CERS3: variants seen among roughly 807,000 people sequenced by gnomAD.
CERS3 encodes the protein ceramide synthase 3, also known as LAG1 homolog, ceramide synthase 3.
A neutral mutation model predicts 50.3 loss-of-function variants in CERS3; 33 were observed. That is an observed-to-expected ratio of 0.66 (90% confidence interval 0.50 to 0.88). CERS3 has a LOEUF of 0.88. Among genes scored for constraint, CERS3 ranks in the 40% least tolerant of loss-of-function variants. CERS3 has a pLI of 0.00. For missense variants in CERS3, 470 were observed against 460.3 expected (o/e 1.02, Z -0.19); for synonymous variants, 176 against 155.2 (o/e 1.13, Z -0.99).
At chr15:100,430,385 C>T (rs1005963595) in intron 11 of CERS3, among the ~76,000 whole-genome samples, 1 of 152,068 alleles carries the variant, frequency 6.6e-6, no homozygotes, top group Non-Finnish European at 1.5e-5. Flanking sequence ...AAAATACATT[C>T]TAATGTTAAT....
At chr15:100,417,483 A>C (rs1267867171) in intron 11 of CERS3, among the ~76,000 whole-genome samples, 1 of 152,040 alleles carries the variant, frequency 6.6e-6, no homozygotes, top group African/African-American at 2.4e-5. Flanking sequence ...TCAAACTGCA[A>C]GGCAGCAGCG....
intron 11 of CERS3, among the ~76,000 whole-genome samples, chr15:100,450,948 A>G (rs1443119904): frequency 6.6e-6 from 1 of 152,342 alleles, no homozygotes; most frequent in East Asian, 1.9e-4. Context: ...TTCTATACTC[A>G]GAAAACTTAT....
intron 11 of CERS3, among the ~76,000 whole-genome samples, chr15:100,454,633 A>G (rs2142193632): frequency 6.6e-6 from 1 of 152,254 alleles, no homozygotes; most frequent in Middle Eastern, 3.4e-3. Flanking sequence ...TACTTCAGGG[A>G]AATACTTCAG....
intron 11 of CERS3, among the ~76,000 whole-genome samples, chr15:100,445,507 T>C (rs1004712035): frequency 2.6e-5 from 4 of 152,090 alleles, no homozygotes; most frequent in African/African-American, 4.8e-5. Flanking sequence ...TTTTTCTCCT[T>C]CTCTTATTCC....
At chr15:100,431,140 G>A (rs1477174288) in intron 11 of CERS3, among the ~76,000 whole-genome samples, 1 of 152,144 alleles carries the variant, frequency 6.6e-6, no homozygotes, top group Non-Finnish European at 1.5e-5. Context: ...TCTCTGGATT[G>A]CTACTCTTTG....
chr15:100,450,335 T>C (rs1374848723), intron 11 of CERS3, among the ~76,000 whole-genome samples: 2 of 150,420 alleles, frequency 1.3e-5, no homozygotes, highest in Non-Finnish European at 2.9e-5. Context: ...GGGGAATTGC[T>C]TGAACTTGGC....
intron 1 of CERS3, among the ~76,000 whole-genome samples, chr15:100,534,671 T>C (rs1319641106): frequency 3.4e-5 from 2 of 59,688 alleles, no homozygotes; most frequent in Non-Finnish European, 9.9e-5. Flanking sequence ...AGAATGCAAC[T>C]CAAATTGCTT....
intron 1 of CERS3, among the ~76,000 whole-genome samples, chr15:100,540,765 T>C (rs1328635819): frequency 6.6e-6 from 1 of 152,148 alleles, no homozygotes; most frequent in Non-Finnish European, 1.5e-5. Context: ...TGAGCCCAGA[T>C]CTCACCCCAG....
chr15:100,494,456 C>T (rs1205716378), intron 3 of CERS3, among the ~76,000 whole-genome samples: 1 of 151,596 alleles, frequency 6.6e-6, no homozygotes, highest in African/African-American at 2.4e-5. Flanking sequence ...ACCATGTTAG[C>T]CAGGATGGTC....
intron 11 of CERS3, among the ~76,000 whole-genome samples, chr15:100,440,925 C>T (rs959749874): frequency 4.6e-5 from 7 of 152,162 alleles, no homozygotes; most frequent in Non-Finnish European, 8.8e-5. Flanking sequence ...CCCAAAACTC[C>T]GGCACTGGTC....
At chr15:100,486,517 T>A (rs2035490006) in intron 4 of CERS3, among the ~76,000 whole-genome samples, 1 of 152,236 alleles carries the variant, frequency 6.6e-6, no homozygotes, top group Admixed American at 6.5e-5. Flanking sequence ...GAGATTTTGA[T>A]GACCAAACAC....
chr15:100,407,096 G>A (rs559293724), intron 11 of CERS3, among the ~76,000 whole-genome samples: 1 of 152,290 alleles, frequency 6.6e-6, no homozygotes, highest in Non-Finnish European at 1.5e-5. Flanking sequence ...AATTGTGGGA[G>A]TTACAATTCA....
chr15:100,487,225 A>G (rs1362012166), intron 4 of CERS3, among the ~76,000 whole-genome samples: 1 of 152,242 alleles, frequency 6.6e-6, no homozygotes, highest in Non-Finnish European at 1.5e-5. Context: ...AATTCCCTTG[A>G]GTGAGGAAGA....
At chr15:100,512,410 T>C (rs1167628046) in intron 2 of CERS3, among the ~76,000 whole-genome samples, 1 of 151,796 alleles carries the variant, frequency 6.6e-6, no homozygotes, top group Non-Finnish European at 1.5e-5. Flanking sequence ...CCCTTGGGGG[T>C]GTTGTGGCAG....
intron 3 of CERS3, among the ~76,000 whole-genome samples, chr15:100,496,365 C>A (rs1285039367): frequency 6.6e-6 from 1 of 151,874 alleles, no homozygotes; most frequent in South Asian, 2.1e-4. Flanking sequence ...AAAGGAACCA[C>A]TGATATACAT....
At chr15:100,467,850 T>TATATATATAG (rs145899470) in intron 10 of CERS3, among the ~76,000 whole-genome samples, 36 of 93,138 alleles carry the variant, frequency 3.9e-4, no homozygotes, top group African/African-American at 1.3e-3. Flanking sequence ...TATATATATA[T>TATATATATAG]ATAGATAGAT....
At position 100,480,027 on chromosome 15, in the gene CERS3, A is replaced by T; in HGVS notation, c.427T>A (p.Leu143Ile). Reference sequence around the variant, plus strand: ...GCAATTCCAGCAACAGTGATCATTAAGTAAAATGCAAATCTCCAGCTGCCA... The same window carrying T: ...GCAATTCCAGCAACAGTGATCATTATGTAAAATGCAAATCTCCAGCTGCCA... ...QEACWRFAFY[L>I]MITVAGIAFL... The change falls in exon 6 of 12, where the codon TTA (leucine) becomes ATA (isoleucine). Residue 143 changes from leucine (L) to isoleucine (I), a missense_variant. Coordinates refer to ENST00000679737, the MANE Select transcript of CERS3 (RefSeq NM_001378789.1). 6.2e-7 allele frequency: 1 copy of T among 1,611,510 alleles called. No individual in the cohort carries two copies. The highest frequency in any genetic ancestry group is 1.1e-5 in the South Asian group (1 of 90,244).
chr15:100,416,889 C>T (rs929559832), intron 11 of CERS3, among the ~76,000 whole-genome samples: 1 of 152,122 alleles, frequency 6.6e-6, no homozygotes, highest in Non-Finnish European at 1.5e-5. Context: ...AAAAAACAAC[C>T]AACCACATTA....
At position 100,471,895 on chromosome 15, in the gene CERS3, T is replaced by G. The variant is rs372125705; in HGVS notation, c.738+1029A>C. Reference sequence around the variant, plus strand: ...GGTCTGGTAAATTACAGTCCCCCCATGGGCTAAAGCCGATCAGCCCTTAAG... The same window carrying G: ...GGTCTGGTAAATTACAGTCCCCCCAGGGGCTAAAGCCGATCAGCCCTTAAG... On this transcript the variant is annotated intron_variant, in intron 9 of 11. Coordinates refer to ENST00000679737, the MANE Select transcript of CERS3 (RefSeq NM_001378789.1). Among the ~76,000 whole-genome samples the G allele has an allele frequency of 1.1e-4, 16 of 152,286 alleles. No homozygotes were observed. The South Asian group carries it at 2.7e-3, about 26-fold the overall frequency.
Sources: allele counts gnomAD v4.1 joint callset (sites outside exome capture counted in the v4.1 genomes callset), GRCh38; gene constraint gnomAD v4.1.1; transcripts MANE v1.5; gene names NCBI Gene and HGNC (gene_info 2026-07-23, HGNC 2026-07-21).